The following GOT1 variants were observed in gnomAD, a reference collection of about 807,000 sequenced individuals.
GOT1 encodes glutamic-oxaloacetic transaminase 1.
A neutral mutation model predicts 48.2 loss-of-function variants in GOT1; 25 were observed. That is an observed-to-expected ratio of 0.52 (90% confidence interval 0.38 to 0.72). The LOEUF (loss-of-function observed/expected upper bound fraction) is 0.72, where lower values mean the gene tolerates loss of function less well. GOT1 is among the 30% of genes least tolerant of loss of function. GOT1 has a pLI of 0.00. For synonymous variants in GOT1, 188 were observed against 193.8 expected (o/e 0.97, Z 0.25); for missense variants, 380 against 520.1 (o/e 0.73, Z 2.62).
chr10:99,429,243 G>T (rs141657294), intron 1 of GOT1, among the ~76,000 whole-genome samples: 1,682 of 151,776 alleles, frequency 0.011, 37 homozygotes, highest in African/African-American at 0.038. Context: ...TAGAGATGGG[G>T]TTTCACCGTG....
At chr10:99,425,825 A>C (rs539856092) in intron 1 of GOT1, among the ~76,000 whole-genome samples, 3 of 152,288 alleles carry the variant, frequency 2.0e-5, no homozygotes, top group Admixed American at 1.3e-4. Context: ...AGGGAGTTGT[A>C]GGATGTGTCC....
chr10:99,418,195 A>G (rs1047014242), intron 2 of GOT1, among the ~76,000 whole-genome samples: 3 of 152,082 alleles, frequency 2.0e-5, no homozygotes, highest in Non-Finnish European at 4.4e-5. Context: ...TGGCCTTTTA[A>G]AATTGTTTTA....
At chr10:99,429,779 G>C (rs926166377) in intron 1 of GOT1, among the ~76,000 whole-genome samples, 3 of 152,148 alleles carry the variant, frequency 2.0e-5, no homozygotes, top group Non-Finnish European at 4.4e-5. Flanking sequence ...AGGATGTGTG[G>C]AAAGTAAGCT....
rs1489248726 is a variant in GOT1 at position 99,397,247 on chromosome 10, CA to C, written c.*299del. On this transcript the variant is annotated 3_prime_UTR_variant, in exon 9 of 9. Coordinates refer to ENST00000370508, the MANE Select transcript of GOT1 (RefSeq NM_002079.3). This position sits in a 1 kb window ranked among gnomAD's most constrained non-coding sequence, Gnocchi z 5.4. ...CATAGAAGCACGTGGCCGCCACACA[CA>C]ACACTCCTTTTTAGTGAGAGGGACA... The C allele has an allele frequency of 9.6e-6, 3 of 313,938 alleles. No individual in the cohort carries two copies. Among genetic ancestry groups the C allele is most frequent in the African/African-American group, 4.2e-5 (2 of 48,026 alleles). The allele number at this position is 313,938 out of a possible 1,614,324, so 19.4% of individuals were successfully genotyped here.
Position 99,397,238 on chromosome 10 carries a change from C to T in GOT1, c.*309G>A, listed in dbSNP as rs1475324616. 1.4e-5 allele frequency: 4 copies of T among 276,668 alleles called. No individual in the cohort carries two copies. Among genetic ancestry groups the T allele is most frequent in the African/African-American group, 2.1e-5 (1 of 46,736 alleles). The allele number at this position is 276,668 out of a possible 1,614,324, so 17.1% of individuals were successfully genotyped here. On this transcript the variant is annotated 3_prime_UTR_variant, in exon 9 of 9. Transcript: ENST00000370508. The surrounding 1 kb of genome is among the most constrained non-coding windows in gnomAD (Gnocchi z 5.4). ...CAAACACCACATAGAAGCACGTGGCCGCCACACACAACACTCCTTTTTAGT... is the reference window on the plus strand; with the variant it reads ...CAAACACCACATAGAAGCACGTGGCTGCCACACACAACACTCCTTTTTAGT...
At chr10:99,429,731 G>C (rs1162109320) in intron 1 of GOT1, among the ~76,000 whole-genome samples, 1 of 152,132 alleles carries the variant, frequency 6.6e-6, no homozygotes, top group Non-Finnish European at 1.5e-5. Flanking sequence ...AGCTGTCCAA[G>C]GTACAGAAGA....
At position 99,397,541 on chromosome 10, in the gene GOT1, G is replaced by A. The variant is rs757866070; in HGVS notation, c.*6C>T. The A allele has an allele frequency of 1.9e-6, 3 of 1,613,620 alleles. No individual in the cohort carries two copies. The highest frequency in any genetic ancestry group is 2.2e-5 in the East Asian group (1 of 44,884). ...ACTTTGGTGGTACTGGACGGGTGGT[G>A]TTTCTTCACTGGATTTTGGTGACTG... On this transcript the variant is annotated 3_prime_UTR_variant, in exon 9 of 9. Coordinates refer to ENST00000370508, the MANE Select transcript of GOT1 (RefSeq NM_002079.3). This position sits in a 1 kb window ranked among gnomAD's most constrained non-coding sequence, Gnocchi z 5.4.
intron 1 of GOT1, among the ~76,000 whole-genome samples, chr10:99,421,114 T>C (rs1223055980): frequency 1.3e-5 from 2 of 152,182 alleles, no homozygotes; most frequent in African/African-American, 2.4e-5. Context: ...CATGAGAAAG[T>C]ACATAGAAAA....
intron 7 of GOT1, 146 bp from the exon 8 acceptor site, chr10:99,402,868 G>A (rs2032699753): frequency 3.0e-6 from 2 of 658,570 alleles, no homozygotes; most frequent in East Asian, 2.7e-5. Context: ...CTGGATGGGT[G>A]GATTAACATA....
chr10:99,411,351 C>T (rs939755515), intron 2 of GOT1, among the ~76,000 whole-genome samples: 26 of 152,136 alleles, frequency 1.7e-4, no homozygotes, highest in Admixed American at 1.7e-3. Context: ...AAAAGTAATA[C>T]AAGGCAGTGA....
chr10:99,408,196 G>A (rs886954531), intron 2 of GOT1, among the ~76,000 whole-genome samples: 2 of 152,086 alleles, frequency 1.3e-5, no homozygotes, highest in African/African-American at 4.8e-5. Context: ...TTTCCCAAAG[G>A]ATACACAGTT....
In GOT1 at chr10:99,420,744, C is replaced by A. The variant is rs201941343; in HGVS notation, c.180G>T (p.Lys60Asn). ...GATTTAGGCTATTGTCATTAGCAAT[C>A]TTCTGCTCCACTTTCTTCACTACTG... is the stretch of plus-strand genomic sequence containing the variant. ...VLPVVKKVEQ[K>N]IANDNSLNHE... The change falls in exon 2 of 9, where the codon AAG (lysine) becomes AAT (asparagine). Residue 60 changes from lysine to asparagine, a missense_variant. By Grantham distance (94) the Lys-to-Asn change is moderately conservative. Coordinates refer to ENST00000370508, the MANE Select transcript of GOT1 (RefSeq NM_002079.3). 32 of 1,613,982 alleles carry A rather than the reference C, an allele frequency of 2.0e-5. No individual in the cohort carries two copies. The Admixed American group carries it at 5.3e-4, about 27-fold the overall frequency.
intron 2 of GOT1, among the ~76,000 whole-genome samples, chr10:99,407,471 C>T (rs2032775422): frequency 6.7e-6 from 1 of 149,634 alleles, no homozygotes; most frequent in Non-Finnish European, 1.5e-5. Context: ...CTCATTCTGT[C>T]ACCTAGGTTG....
At chr10:99,405,708 A>T (rs1455189175) in intron 5 of GOT1, 48 bp downstream of exon 5, 1 of 903,432 alleles carries the variant, frequency 1.1e-6, no homozygotes, top group South Asian at 1.3e-5. Flanking sequence ...CATACATTAA[A>T]TAAGAATATA....
intron 2 of GOT1, among the ~76,000 whole-genome samples, chr10:99,418,618 C>G (rs1308746060): frequency 6.6e-6 from 1 of 151,898 alleles, no homozygotes; most frequent in Non-Finnish European, 1.5e-5. Flanking sequence ...CCTCCCACCT[C>G]AGTCTCCCAA....
chr10:99,411,816 C>A (rs1467053291), intron 2 of GOT1, among the ~76,000 whole-genome samples: 1 of 152,176 alleles, frequency 6.6e-6, no homozygotes, highest in Non-Finnish European at 1.5e-5. Flanking sequence ...CCTTTGGAAC[C>A]TGAGGTACCC....
chr10:99,407,171 G>A (rs1214322836), intron 2 of GOT1, among the ~76,000 whole-genome samples: 1 of 126,568 alleles, frequency 7.9e-6, no homozygotes, highest in Admixed American at 9.2e-5. Context: ...AGGACACACC[G>A]AGGCCACATT....
chr10:99,415,689 C>T (rs1159836878), intron 2 of GOT1, among the ~76,000 whole-genome samples: 1 of 152,122 alleles, frequency 6.6e-6, no homozygotes, highest in Non-Finnish European at 1.5e-5. Context: ...CGCAAAAATC[C>T]TCAATAAAAT....
Position 99,402,464 on chromosome 10 carries a change from A to G in GOT1, c.1102+116T>C, listed in dbSNP as rs1022947768. The G allele has an allele frequency of 2.2e-5, 24 of 1,084,256 alleles. No homozygotes were observed. In the African/African-American group the frequency reaches 3.6e-4, roughly 16 times the overall value. 67.2% of individuals were successfully genotyped at this position (1,084,256 alleles called of 1,614,324 possible). ...ACCTAACTTGTCCTGGTCCAAAGCA[A>G]TGGCTGCCCAATTAGGCAAAGGCTG... On this transcript the variant is annotated intron_variant, in intron 8 of 8. Coordinates refer to ENST00000370508, the MANE Select transcript of GOT1 (RefSeq NM_002079.3).
Sources: gnomAD v4.1 joint callset for allele counts (sites outside exome capture counted in the v4.1 genomes callset) on GRCh38, gnomAD v4.1.1 for gene constraint, Gnocchi (gnomAD v3.1) non-coding constraint, MANE v1.5 for transcripts, NCBI Gene and HGNC (gene_info 2026-07-23, HGNC 2026-07-21) for gene names.